UXS1: variants seen among roughly 807,000 people sequenced by gnomAD.
UXS1 encodes the protein UDP-glucuronate decarboxylase 1.
UXS1 carries 33 observed loss-of-function variants against 62.6 expected under a neutral mutation model. The observed-to-expected ratio is 0.53, with a 90% CI of 0.40 to 0.70. The LOEUF is 0.70. Ranked by LOEUF, UXS1 falls within the 30% of genes least tolerant of loss-of-function variation. The probability of loss-of-function intolerance (pLI) is 0.00; values close to 1 mark genes in which losing one functional copy is unlikely to be tolerated. For missense variants in UXS1, 434 were observed against 556.3 expected (o/e 0.78, Z 2.21); for synonymous variants, 213 against 206.8 (o/e 1.03, Z -0.26).
chr2:106,115,903 C>G (rs568829567), intron 9 of UXS1, among the ~76,000 whole-genome samples: 5 of 152,200 alleles, frequency 3.3e-5, no homozygotes, highest in South Asian at 4.1e-4. Context: ...TGACAGTGAC[C>G]ACGTGTGGAA....
At chr2:106,119,858 G>A (rs996837471) in intron 9 of UXS1, among the ~76,000 whole-genome samples, 4 of 152,104 alleles carry the variant, frequency 2.6e-5, no homozygotes, top group African/African-American at 4.8e-5. Flanking sequence ...TTTATATAGT[G>A]GTGTTTGTTT....
intron 7 of UXS1, among the ~76,000 whole-genome samples, chr2:106,126,844 A>C (rs560911500): frequency 6.6e-6 from 1 of 152,244 alleles, no homozygotes; most frequent in East Asian, 1.9e-4. Context: ...CCATTGATAA[A>C]AGTGATAGAG....
chr2:106,176,985 C>T (rs370549660), intron 1 of UXS1, among the ~76,000 whole-genome samples: 2 of 152,100 alleles, frequency 1.3e-5, no homozygotes, highest in African/African-American at 2.4e-5. Flanking sequence ...TAAAATCCTA[C>T]CAATATGCCC....
rs75739117 is a variant in UXS1 at position 106,158,004 on chromosome 2, C to T, written c.291+54G>A. 4.1e-5 allele frequency: 59 copies of T among 1,432,674 alleles called. No homozygotes were observed. The South Asian group carries it at 5.1e-4, about 12-fold the overall frequency. 88.7% of individuals were successfully genotyped at this position (1,432,674 alleles called of 1,614,324 possible). On this transcript the variant is annotated intron_variant, in intron 5 of 14. Coordinates refer to ENST00000283148, the MANE Select transcript of UXS1 (RefSeq NM_001253875.2). ...CTATGATATGTGAATTATCTCTCAA[C>T]GAAAAAAGAAAGTTTCTTAATATTA...
In UXS1 at chr2:106,145,252, C is replaced by A. The variant is rs769493320; in HGVS notation, c.410G>T (p.Trp137Leu). 1.2e-6 allele frequency: 2 copies of A among 1,614,008 alleles called. No homozygotes were observed. Among genetic ancestry groups the A allele is most frequent in the South Asian group, 1.1e-5 (1 of 91,078 alleles). The stretch of plus-strand genomic sequence containing the variant: ...CAACTCGAAGTTCTCATGTCCGATC[C>A]AGTGCTCCACGTTTCTCTTCCTGCC... ...FTGRKRNVEH[W>L]IGHENFELIN... is the part of the protein sequence containing the mutation. Residue 137 changes from tryptophan to leucine, a missense_variant, in exon 6 of 15, where the codon TGG becomes TTG. Physicochemically the swap from Trp to Leu is moderately conservative, Grantham distance 61 (BLOSUM62 -2). Transcript: ENST00000283148.
intron 10 of UXS1, among the ~76,000 whole-genome samples, chr2:106,106,888 AGT>A (rs1457872180): frequency 1.3e-5 from 2 of 152,212 alleles, no homozygotes; most frequent in Non-Finnish European, 2.9e-5. Context: ...AAAGCGCTGG[AGT>A]GACCTGCATT....
At chr2:106,158,607 G>A (rs891751960) in intron 4 of UXS1, among the ~76,000 whole-genome samples, 3 of 152,154 alleles carry the variant, frequency 2.0e-5, no homozygotes, top group South Asian at 2.1e-4. Context: ...ATAGTTAAAC[G>A]ATGAGGCAAG....
rs374421688 is a variant in UXS1 at position 106,164,669 on chromosome 2, C to T, written c.186+67G>A. The T allele has an allele frequency of 2.3e-5, 28 of 1,240,986 alleles. No individual in the cohort carries two copies. The African/African-American group carries it at 2.9e-4, about 13-fold the overall frequency. The allele number at this position is 1,240,986 out of a possible 1,614,324, so 76.9% of individuals were successfully genotyped here. On this transcript the variant is annotated intron_variant, in intron 3 of 14. Coordinates refer to ENST00000283148, the MANE Select transcript of UXS1 (RefSeq NM_001253875.2). Reference sequence around the variant, plus strand: ...AGCTGCCACAATAAGAATGACAGCACGAGCAAAGGAAGTAAAATTGACAAG... The same window carrying T: ...AGCTGCCACAATAAGAATGACAGCATGAGCAAAGGAAGTAAAATTGACAAG...
chr2:106,161,388 C>T (rs1367349286), intron 4 of UXS1, among the ~76,000 whole-genome samples: 1 of 152,136 alleles, frequency 6.6e-6, no homozygotes, highest in East Asian at 1.9e-4. Flanking sequence ...TTACACCGTG[C>T]CTGGCCCACA....
chr2:106,107,728 T>C (rs1369878482), intron 10 of UXS1, among the ~76,000 whole-genome samples: 3 of 152,182 alleles, frequency 2.0e-5, no homozygotes, highest in Admixed American at 1.3e-4. Flanking sequence ...ATAAGTGCAC[T>C]GGAAGGAGAG....
chr2:106,119,223 C>A (rs1042725809), intron 9 of UXS1, among the ~76,000 whole-genome samples: 6 of 152,182 alleles, frequency 3.9e-5, no homozygotes, highest in African/African-American at 1.2e-4. Context: ...TGCAAAGGAG[C>A]CTTGGCGCCT....
At chr2:106,191,272 G>A (rs1684916670) in intron 1 of UXS1, among the ~76,000 whole-genome samples, 1 of 152,180 alleles carries the variant, frequency 6.6e-6, no homozygotes, top group Admixed American at 6.5e-5. Flanking sequence ...ACGGAGGCTG[G>A]CTAACAGTGA....
chr2:106,193,013 C>CA (rs943347248), intron 1 of UXS1, among the ~76,000 whole-genome samples: 76 of 152,258 alleles, frequency 5.0e-4, no homozygotes, highest in African/African-American at 1.7e-3. Flanking sequence ...TCCTCCCTTG[C>CA]AAAACTACAC....
Position 106,194,288 on chromosome 2 carries a change from C to G in UXS1, c.-47G>C. 8.9e-7 allele frequency: 1 copy of G among 1,129,180 alleles called. No homozygotes were observed. Among genetic ancestry groups the G allele is most frequent in the Non-Finnish European group, 1.1e-6 (1 of 904,588 alleles). The allele number at this position is 1,129,180 out of a possible 1,614,324, so 69.9% of individuals were successfully genotyped here. A position where few individuals can be genotyped will look rare whatever the true frequency, so the allele number is the denominator to read the frequency against. Reference sequence around the variant, plus strand: ...AGGGCCCTACCGCGCGGGGGCCCGCCTGCTGCACAATGCGCGGCGGCGGCG... The same window carrying G: ...AGGGCCCTACCGCGCGGGGGCCCGCGTGCTGCACAATGCGCGGCGGCGGCG... On this transcript the variant is annotated 5_prime_UTR_variant, in exon 1 of 15. Transcript: ENST00000283148.
chr2:106,162,519 T>C (rs1200962863), intron 4 of UXS1, among the ~76,000 whole-genome samples: 1 of 152,216 alleles, frequency 6.6e-6, no homozygotes, highest in Admixed American at 6.5e-5. Context: ...GGTTATTTCT[T>C]ATTGTTCCAA....
intron 6 of UXS1, among the ~76,000 whole-genome samples, chr2:106,134,031 AAGAG>A (rs1341164059): frequency 1.1e-5 from 1 of 91,810 alleles, no homozygotes. Flanking sequence ...TAAAGAAAAA[AAGAG>A]AGAAGAATCA....
intron 1 of UXS1, among the ~76,000 whole-genome samples, chr2:106,186,895 T>C (rs1684592438): frequency 6.6e-6 from 1 of 152,104 alleles, no homozygotes; most frequent in Non-Finnish European, 1.5e-5. Flanking sequence ...AATTTAAATA[T>C]AGACTATATC....
Position 106,158,079 on chromosome 2 carries a change from T to C in UXS1, c.270A>G (p.Glu90=). The stretch of plus-strand genomic sequence containing the variant: ...TTACCAAAATTCTTTTCCGATCCTT[T>C]TCTGATAAAAACTTTACTGGTGGGT... ...QKYPPVKFLS[E]KDRKRILITG... The change falls in exon 5 of 15, where the codon GAA becomes GAG. Residue 90 remains glutamate, a synonymous_variant. Coordinates refer to ENST00000283148, the MANE Select transcript of UXS1 (RefSeq NM_001253875.2). 1 of 1,567,382 alleles carries C rather than the reference T, an allele frequency of 6.4e-7. No individual in the cohort carries two copies. The highest frequency in any genetic ancestry group is 1.2e-5 in the South Asian group (1 of 85,076).
At chr2:106,137,506 G>A (rs992036053) in intron 6 of UXS1, among the ~76,000 whole-genome samples, 4 of 152,034 alleles carry the variant, frequency 2.6e-5, no homozygotes, top group Non-Finnish European at 5.9e-5. Context: ...AACCAAATGA[G>A]GGCCAGGCAC....
Sources: allele counts gnomAD v4.1 joint callset (sites outside exome capture counted in the v4.1 genomes callset), GRCh38; gene constraint gnomAD v4.1.1; transcripts MANE v1.5; gene names NCBI Gene and HGNC (gene_info 2026-07-23, HGNC 2026-07-21).